Variants in LAMC1 observed in about 807,000 individuals in gnomAD.
LAMC1 encodes the protein laminin subunit gamma 1, also known as laminin subunit gamma-1.
LAMC1 carries 38 observed loss-of-function variants against 173.6 expected under a neutral mutation model. That is an observed-to-expected ratio of 0.22 (90% CI 0.17 to 0.29). The LOEUF (loss-of-function observed/expected upper bound fraction) is 0.29, where lower values mean the gene tolerates loss of function less well. Ranked by LOEUF, LAMC1 falls within the 10% of genes least tolerant of loss-of-function variation. The probability of loss-of-function intolerance (pLI) is 1.00; values close to 1 mark genes in which losing one functional copy is unlikely to be tolerated. For synonymous variants in LAMC1, 746 were observed against 749.1 expected (o/e 1.00, Z 0.07); for missense variants, 1,824 against 2,051.8 (o/e 0.89, Z 2.14).
chr1:183,107,097 A>G (rs1374825467), intron 2 of LAMC1, among the ~76,000 whole-genome samples: 1 of 152,198 alleles, frequency 6.6e-6, no homozygotes, highest in Non-Finnish European at 1.5e-5. Context: ...GAAAAACTCT[A>G]CAGCCCCCAT....
At position 183,130,289 on chromosome 1, in the gene LAMC1, G is replaced by A. The variant is rs565284584; in HGVS notation, c.3281-55G>A. 1.2e-4 allele frequency: 178 copies of A among 1,447,056 alleles called. No homozygotes were observed. The East Asian group carries it at 3.5e-3, about 29-fold the overall frequency. The allele number at this position is 1,447,056 out of a possible 1,614,324, so 89.6% of individuals were successfully genotyped here. Reference sequence around the variant, plus strand: ...ACATAGGGCCTCAGATTTCATGTGAGATGATATGATCCTCTTCAGATAATT... The same window carrying A: ...ACATAGGGCCTCAGATTTCATGTGAAATGATATGATCCTCTTCAGATAATT... On this transcript the variant is annotated intron_variant, in intron 18 of 27. Transcript: ENST00000258341.
At chr1:183,092,428 GAA>G (rs34276693) in intron 1 of LAMC1, among the ~76,000 whole-genome samples, 15 of 145,774 alleles carry the variant, frequency 1.0e-4, no homozygotes, top group South Asian at 2.2e-4. Context: ...AGTTTAAGAA[GAA>G]AAAAAAAAAA....
At position 183,144,153 on chromosome 1, in the gene LAMC1, A is replaced by G. The variant is rs933948207; in HGVS notation, c.*1363A>G. 2.0e-5 allele frequency: 3 copies of G among 151,664 alleles called. No homozygotes were observed. Among genetic ancestry groups the G allele is most frequent in the Non-Finnish European group, 2.9e-5 (2 of 67,842 alleles). The allele number at this position is 151,664 out of a possible 1,614,324, so 9.4% of individuals were successfully genotyped here. ...GCCACACACCCCCTTCCTCCTACCA[A>G]CCCACCTTTGAGATTCATATATAGC... On this transcript the variant is annotated 3_prime_UTR_variant, in exon 28 of 28. Coordinates refer to ENST00000258341, the MANE Select transcript of LAMC1 (RefSeq NM_002293.4).
At chr1:183,073,993 A>G (rs907963434) in intron 1 of LAMC1, among the ~76,000 whole-genome samples, 1 of 152,234 alleles carries the variant, frequency 6.6e-6, no homozygotes, top group Non-Finnish European at 1.5e-5. Context: ...TTTAATTTGC[A>G]GGATTTACAC....
chr1:183,050,911 A>AG (rs1654409801), intron 1 of LAMC1, among the ~76,000 whole-genome samples: 2 of 150,998 alleles, frequency 1.3e-5, no homozygotes, highest in South Asian at 4.2e-4. Context: ...AAAAAAAAAA[A>AG]GAATTACTGA....
chr1:183,134,991 A>G (rs1367903355), intron 23 of LAMC1, 51 bp from the exon 24 acceptor site: 1 of 1,485,660 alleles, frequency 6.7e-7, no homozygotes, highest in Non-Finnish European at 9.4e-7. Context: ...TCCAGGAGAC[A>G]GAAGGGATTT....
At chr1:183,112,131 G>A (rs1471608165) in intron 4 of LAMC1, among the ~76,000 whole-genome samples, 2 of 152,030 alleles carry the variant, frequency 1.3e-5, no homozygotes, top group African/African-American at 2.4e-5. Flanking sequence ...ACTGCCGAGA[G>A]GAGATTTTCT....
chr1:183,110,373 C>T, intron 3 of LAMC1, 115 bp from the exon 4 acceptor site: 1 of 738,162 alleles, frequency 1.4e-6, no homozygotes, highest in South Asian at 2.3e-5. Flanking sequence ...TGCTCAGTTC[C>T]CCAGTTTACA....
chr1:183,113,067 G>A (rs779870855), intron 4 of LAMC1, among the ~76,000 whole-genome samples: 5 of 152,132 alleles, frequency 3.3e-5, no homozygotes, highest in African/African-American at 1.2e-4. Context: ...TCCCAGCTAC[G>A]TGGCAGGATG....
rs1225598842 is a variant in LAMC1 at position 183,024,078 on chromosome 1, A to G, written c.362A>G (p.Gln121Arg). ...NQADTTWWQS[Q>R]TMLAGVQYPS... ...GCCGACACCACCTGGTGGCAAAGCCAGACCATGCTGGCCGGGGTGCAGTAC... is the reference window on the plus strand; with the variant it reads ...GCCGACACCACCTGGTGGCAAAGCCGGACCATGCTGGCCGGGGTGCAGTAC... Residue 121 changes from glutamine to arginine, a missense_variant, in exon 1 of 28, where the codon CAG becomes CGG. Coordinates refer to ENST00000258341, the MANE Select transcript of LAMC1 (RefSeq NM_002293.4). The G allele has an allele frequency of 4.3e-6, 7 of 1,611,152 alleles. No homozygotes were observed. The South Asian group carries it at 6.6e-5, about 15-fold the overall frequency.
At chr1:183,138,911 G>A (rs780400364) in intron 26 of LAMC1, among the ~76,000 whole-genome samples, 1 of 151,968 alleles carries the variant, frequency 6.6e-6, no homozygotes, top group Non-Finnish European at 1.5e-5. Flanking sequence ...AAAATTAGTT[G>A]GGCATGGTGG....
chr1:183,113,395 C>T (rs570800001), intron 4 of LAMC1, among the ~76,000 whole-genome samples: 2 of 110,110 alleles, frequency 1.8e-5, no homozygotes, highest in East Asian at 3.1e-4. Flanking sequence ...AAGATGTATT[C>T]GAATATTTTT....
At chr1:183,036,188 T>A (rs1653975984) in intron 1 of LAMC1, among the ~76,000 whole-genome samples, 1 of 149,744 alleles carries the variant, frequency 6.7e-6, no homozygotes, top group Admixed American at 6.7e-5. Context: ...AACTTCCGCC[T>A]CCCGGCTTCA....
At chr1:183,081,593 TAAATAAATAAATC>T (rs1655279442) in intron 1 of LAMC1, among the ~76,000 whole-genome samples, 3 of 149,746 alleles carry the variant, frequency 2.0e-5, no homozygotes, top group African/African-American at 7.5e-5. Flanking sequence ...AATAAATAAA[TAAATAAATAAATC>T]TTTAGAGTGT....
intron 2 of LAMC1, among the ~76,000 whole-genome samples, chr1:183,104,795 A>G (rs1206185836): frequency 6.6e-6 from 1 of 152,172 alleles, no homozygotes; most frequent in Non-Finnish European, 1.5e-5. Flanking sequence ...GCTGTTGGTA[A>G]ACTCTGAGGT....
At chr1:183,034,784 C>T (rs902759369) in intron 1 of LAMC1, among the ~76,000 whole-genome samples, 98 of 152,272 alleles carry the variant, frequency 6.4e-4, no homozygotes, top group African/African-American at 2.2e-3. Flanking sequence ...GCAATGAGGA[C>T]GTGCCAGATG....
intron 1 of LAMC1, among the ~76,000 whole-genome samples, chr1:183,064,847 A>G (rs1654833769): frequency 6.6e-6 from 1 of 152,218 alleles, no homozygotes; most frequent in Non-Finnish European, 1.5e-5. Context: ...TTAGGGTCAT[A>G]TGTGGCTGGA....
intron 1 of LAMC1, among the ~76,000 whole-genome samples, chr1:183,092,076 A>G (rs1366738816): frequency 2.0e-5 from 3 of 152,208 alleles, no homozygotes; most frequent in African/African-American, 7.2e-5. Context: ...AGTCACCCCT[A>G]GACTTGGATG....
intron 14 of LAMC1, 189 bp downstream of exon 14, chr1:183,125,065 C>A (rs1656583294): frequency 3.0e-6 from 2 of 663,924 alleles, no homozygotes; most frequent in East Asian, 5.5e-5. Flanking sequence ...GTGGCTGACA[C>A]CTGTGGTCCT....
Sources: gnomAD v4.1 joint callset for allele counts (sites outside exome capture counted in the v4.1 genomes callset) on GRCh38, gnomAD v4.1.1 for gene constraint, MANE v1.5 for transcripts, NCBI Gene and HGNC (gene_info 2026-07-23, HGNC 2026-07-21) for gene names.